The following OSBPL10 variants were observed in gnomAD, a reference collection of about 807,000 sequenced individuals.
The protein encoded by OSBPL10 is oxysterol-binding protein-related protein 10.
OSBPL10 carries 49 observed loss-of-function variants against 81.7 expected under a neutral mutation model. The ratio of observed to expected loss-of-function variants is 0.60; its 90% confidence interval spans 0.48 to 0.76. The LOEUF (loss-of-function observed/expected upper bound fraction) is 0.76. Ranked by LOEUF, OSBPL10 falls within the 30% of genes least tolerant of loss-of-function variation. The probability of loss-of-function intolerance (pLI) is 0.00; values close to 1 mark genes in which losing one functional copy is unlikely to be tolerated. For missense variants in OSBPL10, 923 were observed against 987.8 expected (o/e 0.93, Z 0.88); for synonymous variants, 419 against 383.6 (o/e 1.09, Z -1.08).
At chr3:31,918,095 A>T (rs1696808258) in intron 1 of OSBPL10, among the ~76,000 whole-genome samples, 1 of 134,924 alleles carries the variant, frequency 7.4e-6, no homozygotes, top group South Asian at 2.5e-4. Flanking sequence ...TTACTATTTT[A>T]ATAAACTAAT....
intron 2 of OSBPL10, among the ~76,000 whole-genome samples, chr3:32,013,692 T>C (rs886527983): frequency 3.9e-5 from 6 of 152,020 alleles, no homozygotes; most frequent in African/African-American, 1.2e-4. Flanking sequence ...ATTGATAGAC[T>C]GCTAGCAAGA....
At chr3:31,742,575 G>C (rs1338342571) in intron 5 of OSBPL10, among the ~76,000 whole-genome samples, 2 of 152,212 alleles carry the variant, frequency 1.3e-5, no homozygotes, top group African/African-American at 4.8e-5. Context: ...TATGACTCCA[G>C]TGTCCTTCCC....
At chr3:31,930,107 G>A (rs181887443) in intron 1 of OSBPL10, among the ~76,000 whole-genome samples, 9 of 151,210 alleles carry the variant, frequency 6.0e-5, no homozygotes, top group Admixed American at 2.6e-4. Flanking sequence ...GAGACCAGGC[G>A]TCTGAGATTG....
chr3:31,780,374 GA>G (rs760180005), intron 4 of OSBPL10, among the ~76,000 whole-genome samples: 1 of 151,648 alleles, frequency 6.6e-6, no homozygotes, highest in Non-Finnish European at 1.5e-5. Flanking sequence ...AAATTTGAAA[GA>G]GCACAAATAG....
At chr3:31,929,523 G>A (rs1012744741) in intron 1 of OSBPL10, among the ~76,000 whole-genome samples, 10 of 151,856 alleles carry the variant, frequency 6.6e-5, no homozygotes, top group Admixed American at 2.0e-4. Context: ...CGAGGCAGGT[G>A]GATCACAAGG....
upstream of OSBPL10, chr3:31,982,004 G>C (rs1698860041): frequency 6.6e-6 from 1 of 152,230 alleles, no homozygotes; most frequent in South Asian, 2.1e-4. Flanking sequence ...GTTTGTGCGA[G>C]TGCTTCCTTA....
At chr3:31,820,804 C>T (rs1338555388) in intron 4 of OSBPL10, among the ~76,000 whole-genome samples, 1 of 152,076 alleles carries the variant, frequency 6.6e-6, no homozygotes, top group Non-Finnish European at 1.5e-5. Flanking sequence ...AGGTGAGAAA[C>T]TCCTTCCTCT....
At chr3:31,883,759 G>C (rs1185658216) in intron 1 of OSBPL10, among the ~76,000 whole-genome samples, 2 of 152,082 alleles carry the variant, frequency 1.3e-5, no homozygotes, top group Non-Finnish European at 2.9e-5. Flanking sequence ...CCTGACTTCA[G>C]GTGATCCACC....
At chr3:32,037,907 A>G (rs1699535664) in intron 2 of OSBPL10, among the ~76,000 whole-genome samples, 1 of 152,238 alleles carries the variant, frequency 6.6e-6, no homozygotes, top group Admixed American at 6.5e-5. Flanking sequence ...TCTGCAACTT[A>G]AGGGAAAGGG....
intron 1 of OSBPL10, among the ~76,000 whole-genome samples, chr3:31,933,408 T>G (rs1365950413): frequency 1.1e-5 from 1 of 93,800 alleles, no homozygotes; most frequent in Non-Finnish European, 2.9e-5. Flanking sequence ...AACAATAAAT[T>G]TTTTTTTTTT....
chr3:31,717,346 C>G (rs1437663041), intron 6 of OSBPL10, among the ~76,000 whole-genome samples: 1 of 152,124 alleles, frequency 6.6e-6, no homozygotes, highest in Non-Finnish European at 1.5e-5. Flanking sequence ...AGATCAAGAG[C>G]TAGGAATATC....
intron 1 of OSBPL10, among the ~76,000 whole-genome samples, chr3:31,909,310 A>C (rs1696506248): frequency 1.3e-5 from 2 of 152,124 alleles, no homozygotes; most frequent in African/African-American, 4.8e-5. Flanking sequence ...CTCCACCAAA[A>C]TATATTAGCA....
chr3:31,898,810 TAA>T (rs756814605), intron 1 of OSBPL10, among the ~76,000 whole-genome samples: 1 of 151,922 alleles, frequency 6.6e-6, no homozygotes, highest in Non-Finnish European at 1.5e-5. Flanking sequence ...CTAAACAATA[TAA>T]GTCTACATAA....
At position 31,987,078 on chromosome 3, in the gene OSBPL10, A is replaced by G. The variant is rs1698944289; in HGVS notation, n.298+59413T>C. On this transcript the variant is annotated intron_variant and non_coding_transcript_variant, in intron 2 of 3. Transcript: ENST00000479173. Reference sequence around the variant, plus strand: ...TTTATAAATATATATGTGTATATATACTTTTATATATGTATGTCCATATAT... The same window carrying G: ...TTTATAAATATATATGTGTATATATGCTTTTATATATGTATGTCCATATAT... Among the ~76,000 whole-genome samples, 2 of 151,486 alleles carry G rather than the reference A, an allele frequency of 1.3e-5. 1 individual carries two copies. Among genetic ancestry groups the G allele is most frequent in the African/African-American group, 4.9e-5 (2 of 40,946 alleles).
intron 1 of OSBPL10, among the ~76,000 whole-genome samples, chr3:31,927,881 A>C (rs1697121317): frequency 6.6e-6 from 1 of 152,188 alleles, no homozygotes; most frequent in Non-Finnish European, 1.5e-5. Context: ...TTGTATGTTA[A>C]CACTATGGAG....
At chr3:32,015,625 C>T (rs960882248) in intron 2 of OSBPL10, among the ~76,000 whole-genome samples, 1 of 152,186 alleles carries the variant, frequency 6.6e-6, no homozygotes, top group African/African-American at 2.4e-5. Context: ...TAAAGAGCTT[C>T]TGCACAGCAA....
chr3:31,940,643 T>C (rs1697508221), intron 1 of OSBPL10, among the ~76,000 whole-genome samples: 1 of 152,190 alleles, frequency 6.6e-6, no homozygotes, highest in African/African-American at 2.4e-5. Context: ...TACCCTGCTC[T>C]CATACTGAAG....
intron 4 of OSBPL10, among the ~76,000 whole-genome samples, chr3:31,794,167 A>C (rs1027529260): frequency 1.3e-5 from 2 of 152,202 alleles, no homozygotes; most frequent in African/African-American, 4.8e-5. Flanking sequence ...GTTTTGAGAC[A>C]GAGTCTTGCT....
intron 7 of OSBPL10, among the ~76,000 whole-genome samples, chr3:31,692,265 G>A (rs1575479451): frequency 6.6e-6 from 1 of 152,130 alleles, no homozygotes; most frequent in African/African-American, 2.4e-5. Context: ...TTCCTCAGCT[G>A]TAAAAATAGA....
Sources: gnomAD v4.1 joint callset for allele counts (sites outside exome capture counted in the v4.1 genomes callset) on GRCh38, gnomAD v4.1.1 for gene constraint, MANE v1.5 for transcripts, NCBI Gene and HGNC (gene_info 2026-07-23, HGNC 2026-07-21) for gene names.